Variants in RB1 observed in about 807,000 individuals in gnomAD.
RB1 encodes retinoblastoma-associated protein.
RB1 carries 18 observed loss-of-function variants against 135.4 expected under a neutral mutation model. The ratio of observed to expected loss-of-function variants is 0.13; its 90% CI spans 0.09 to 0.20. RB1 has a LOEUF of 0.20. Ranked by LOEUF, RB1 falls within the 10% of genes least tolerant of loss-of-function variation. RB1 has a pLI of 1.00. For missense variants in RB1, 868 were observed against 1,110.0 expected, an observed-to-expected ratio of 0.78 and a Z score of 3.10; for synonymous variants, 365 against 373.2, an observed-to-expected ratio of 0.98 and a Z score of 0.25.
In RB1 at chr13:48,376,411, A is replaced by G. The variant is rs1952823840; in HGVS notation, c.1216-507A>G. On this transcript the variant is annotated intron_variant, in intron 12 of 26. Coordinates refer to ENST00000267163, the MANE Select transcript of RB1 (RefSeq NM_000321.3). ...GCTACTTGGGATGCTGAGGCAGGAG[A>G]ATCACTTGAACTTGGGAGGCGGAGG... Among the ~76,000 whole-genome samples the G allele has an allele frequency of 2.0e-5, 3 of 151,786 alleles. No individual in the cohort carries two copies. The South Asian group carries it at 6.2e-4, about 32-fold the overall frequency.
chr13:48,478,366 CT>C (rs1185151496), intron 26 of RB1, among the ~76,000 whole-genome samples: 1 of 152,032 alleles, frequency 6.6e-6, no homozygotes, highest in Non-Finnish European at 1.5e-5. Flanking sequence ...AAATGAATCT[CT>C]TTTTGGATTT....
intron 14 of RB1, among the ~76,000 whole-genome samples, 183 bp from the exon 15 acceptor site, chr13:48,379,870 G>T (rs895767790): frequency 2.0e-5 from 3 of 146,644 alleles, no homozygotes; most frequent in Non-Finnish European, 4.5e-5. Context: ...TGAGGCAGGA[G>T]AATCCCTTGA....
intron 6 of RB1, among the ~76,000 whole-genome samples, chr13:48,359,592 T>A (rs1228135872): frequency 1.4e-5 from 2 of 147,846 alleles, no homozygotes; most frequent in African/African-American, 4.9e-5. Context: ...TAAAATATTA[T>A]ACAAATATAA....
At chr13:48,414,407 G>A (rs563270056) in intron 17 of RB1, among the ~76,000 whole-genome samples, 3 of 151,830 alleles carry the variant, frequency 2.0e-5, no homozygotes, top group Non-Finnish European at 1.5e-5. Flanking sequence ...GAAAGTGTGT[G>A]TAAGGTGAGG....
At chr13:48,454,149 A>T (rs902433893) in intron 18 of RB1, among the ~76,000 whole-genome samples, 1 of 152,260 alleles carries the variant, frequency 6.6e-6, no homozygotes, top group Non-Finnish European at 1.5e-5. Flanking sequence ...AATAGGAATT[A>T]GAGAAATAAG....
intron 6 of RB1, 111 bp from the exon 7 acceptor site, chr13:48,359,906 G>C (rs1952623550): frequency 6.9e-7 from 1 of 1,447,174 alleles, no homozygotes; most frequent in Middle Eastern, 2.5e-4. Flanking sequence ...TTACCATGCT[G>C]ATAGTGATTG....
intron 5 of RB1, 92 bp downstream of exon 5, chr13:48,347,955 C>A: frequency 2.1e-6 from 2 of 949,180 alleles, no homozygotes; most frequent in South Asian, 1.4e-5. Context: ...TTAGTTTGAT[C>A]GATTATAGCA....
In RB1 at chr13:48,342,683, T is replaced by C; in HGVS notation, c.349T>C (p.Phe117Leu). The C allele has an allele frequency of 1.2e-6, 2 of 1,609,750 alleles. No homozygotes were observed. Among genetic ancestry groups the C allele is most frequent in the Non-Finnish European group, 1.7e-6 (2 of 1,176,234 alleles). The change falls in exon 3 of 27, where the codon TTT (phenylalanine) becomes CTT (leucine). Residue 117 changes from phenylalanine to leucine, a missense_variant. Coordinates refer to ENST00000267163, the MANE Select transcript of RB1 (RefSeq NM_000321.3). ...AVDLDEMSFTFTELQKNIEIS... is the reference protein window; with the variant it reads ...AVDLDEMSFTLTELQKNIEIS... ...TGACCTAGATGAGATGTCGTTCACT[T>C]TTACTGAGCTACAGAAAAACATAGA...
intron 2 of RB1, among the ~76,000 whole-genome samples, chr13:48,337,756 T>G (rs1952398248): frequency 6.6e-6 from 1 of 152,238 alleles, no homozygotes; most frequent in African/African-American, 2.4e-5. Flanking sequence ...CGTTAGTTGA[T>G]GCAGTTTCTT....
intron 9 of RB1, among the ~76,000 whole-genome samples, chr13:48,366,873 C>T (rs988507766): frequency 1.3e-5 from 2 of 152,008 alleles, no homozygotes; most frequent in Non-Finnish European, 2.9e-5. Context: ...AATTCTAGTA[C>T]TTTGGGAGGC....
At chr13:48,368,798 G>C (rs2138123929) in intron 11 of RB1, among the ~76,000 whole-genome samples, 194 bp downstream of exon 11, 1 of 152,264 alleles carries the variant, frequency 6.6e-6, no homozygotes, top group East Asian at 1.9e-4. Context: ...CTGAGGTTAG[G>C]AGTTTGAGAC....
intron 2 of RB1, among the ~76,000 whole-genome samples, chr13:48,308,517 G>A (rs995229425): frequency 6.6e-6 from 1 of 151,980 alleles, no homozygotes; most frequent in African/African-American, 2.4e-5. Flanking sequence ...GCCAGGCATG[G>A]TAGCAGATGC....
chr13:48,432,476 G>A (rs1289572496), intron 17 of RB1, among the ~76,000 whole-genome samples: 5 of 149,942 alleles, frequency 3.3e-5, no homozygotes, highest in East Asian at 3.9e-4. Context: ...AATACTTCTC[G>A]GAGAGTAGCT....
chr13:48,318,970 A>C lies in RB1; in HGVS notation c.264+11564A>C, dbSNP rs4151433. ...GGGAGTAGAAGCGTGGGCTTGCAGAAAGGGACCTGTTGCTGCCTTACATGG... is the reference window on the plus strand; with the variant it reads ...GGGAGTAGAAGCGTGGGCTTGCAGACAGGGACCTGTTGCTGCCTTACATGG... On this transcript the variant is annotated intron_variant, in intron 2 of 26. Transcript: ENST00000267163. The C allele has an allele frequency of 7.2e-3, 5,912 of 824,462 alleles. 32 individuals are homozygous for C. Among genetic ancestry groups the C allele is most frequent in the Middle Eastern group, 0.011 (30 of 2,818 alleles). The allele number at this position is 824,462 out of a possible 1,614,324, so 51.1% of individuals were successfully genotyped here.
At chr13:48,475,511 G>A (rs1566240598) in intron 24 of RB1, among the ~76,000 whole-genome samples, 1 of 152,228 alleles carries the variant, frequency 6.6e-6, no homozygotes, top group Non-Finnish European at 1.5e-5. Flanking sequence ...TCACAACATG[G>A]CAGCTTGCTT....
chr13:48,318,239 A>G (rs1952202916), intron 2 of RB1: 9 of 700,820 alleles, frequency 1.3e-5, no homozygotes, highest in Non-Finnish European at 1.9e-5. Flanking sequence ...AGAGTCAGCT[A>G]TTAAGCACCG....
intron 17 of RB1, among the ~76,000 whole-genome samples, chr13:48,439,241 G>A (rs1334574401): frequency 3.9e-5 from 6 of 152,030 alleles, no homozygotes; most frequent in South Asian, 4.1e-4. Flanking sequence ...CTTTATGGAC[G>A]TATTTTGAAG....
rs531135502 is a variant in RB1, at chr13:48,320,837, G to GAAAA, written c.264+13442_264+13445dup. On this transcript the variant is annotated intron_variant, in intron 2 of 26. Coordinates refer to ENST00000267163, the MANE Select transcript of RB1 (RefSeq NM_000321.3). ...CAGAGCGAGACTCCGTCTCAAAAAAGAAAAAAAAAAAAAAGAGTGGCAAGT... is the reference window on the plus strand; with the variant it reads ...CAGAGCGAGACTCCGTCTCAAAAAAGAAAAAAAAAAAAAAAAAAGAGTGGCAAGT... Among the ~76,000 whole-genome samples the GAAAA allele has an allele frequency of 6.5e-3, 713 of 108,956 alleles. 4 individuals are homozygous for GAAAA. The highest frequency in any genetic ancestry group is 0.011 in the Non-Finnish European group (519 of 48,834). 71.5% of individuals were successfully genotyped at this position (108,956 alleles called of 152,430 possible).
chr13:48,374,819 CT>C (rs1952802429), intron 12 of RB1, among the ~76,000 whole-genome samples: 1 of 151,886 alleles, frequency 6.6e-6, no homozygotes, highest in African/African-American at 2.4e-5. Context: ...ACTATATGAT[CT>C]TTTTTTATGT....
Sources: allele counts gnomAD v4.1 joint callset (sites outside exome capture counted in the v4.1 genomes callset), GRCh38; gene constraint gnomAD v4.1.1; transcripts MANE v1.5; gene names NCBI Gene and HGNC (gene_info 2026-07-23, HGNC 2026-07-21).